The following GALNTL6 variants were observed in gnomAD, a reference collection of about 807,000 sequenced individuals.
GALNTL6 encodes polypeptide N-acetylgalactosaminyltransferase-like 6.
In GALNTL6, 46 loss-of-function variants were observed where a neutral mutation model predicts 73.7. The ratio of observed to expected loss-of-function variants is 0.62; its 90% CI spans 0.49 to 0.80. The LOEUF (loss-of-function observed/expected upper bound fraction) is 0.80. Among genes scored for constraint, GALNTL6 ranks in the 30% least tolerant of loss-of-function variants. The pLI is 0.00. For missense variants in GALNTL6, 604 were observed against 755.0 expected (o/e 0.80, Z 2.34); for synonymous variants, 259 against 263.7 (o/e 0.98, Z 0.17).
At position 172,559,058 on chromosome 4, in the gene GALNTL6, A is replaced by ATTTTTTTTT. The variant is rs71592081; in HGVS notation, c.553+210387_553+210395dup. ...GTAAGGATGATGATAATGATAATGG[A>ATTTTTTTTT]TTTTTTTTTTTTTTTTTTTTTTTTT... is the stretch of plus-strand genomic sequence containing the variant. On this transcript the variant is annotated intron_variant, in intron 5 of 12. Coordinates refer to ENST00000506823, the MANE Select transcript of GALNTL6 (RefSeq NM_001034845.3). Among the ~76,000 whole-genome samples, 18 of 77,386 alleles carry ATTTTTTTTT rather than the reference A, an allele frequency of 2.3e-4. 3 individuals are homozygous for ATTTTTTTTT. Among genetic ancestry groups the ATTTTTTTTT allele is most frequent in the Middle Eastern group, 0.034 (2 of 58 alleles). The allele number at this position is 77,386 out of a possible 152,430, so 50.8% of individuals were successfully genotyped here.
intron 8 of GALNTL6, among the ~76,000 whole-genome samples, chr4:172,923,392 C>A (rs1235053910): frequency 2.0e-5 from 3 of 152,112 alleles, no homozygotes; most frequent in African/African-American, 7.2e-5. Context: ...AAGACCCACC[C>A]CCATGATTCA....
intron 2 of GALNTL6, among the ~76,000 whole-genome samples, chr4:172,012,313 C>T (rs1468218626): frequency 4.6e-5 from 7 of 152,008 alleles, no homozygotes; most frequent in Admixed American, 1.3e-4. Flanking sequence ...TCACCAGGGC[C>T]GAATTCTGAG....
At chr4:171,893,865 A>G (rs1321472688) in intron 2 of GALNTL6, among the ~76,000 whole-genome samples, 2 of 152,168 alleles carry the variant, frequency 1.3e-5, no homozygotes, top group African/African-American at 4.8e-5. Flanking sequence ...ATAGAGTGGG[A>G]TAGCCAAGAG....
At chr4:172,616,299 GT>G (rs1242416054) in intron 5 of GALNTL6, among the ~76,000 whole-genome samples, 1 of 151,966 alleles carries the variant, frequency 6.6e-6, no homozygotes, top group African/African-American at 2.4e-5. Context: ...CAGTTGTTTG[GT>G]TTTTTGTTTT....
intron 5 of GALNTL6, among the ~76,000 whole-genome samples, chr4:172,539,395 T>A (rs1331472200): frequency 6.6e-6 from 1 of 152,248 alleles, no homozygotes; most frequent in East Asian, 1.9e-4. Flanking sequence ...GAATTTTTTA[T>A]GTTTCAACTT....
intron 4 of GALNTL6, among the ~76,000 whole-genome samples, chr4:172,331,306 G>A (rs1487237138): frequency 1.3e-5 from 2 of 151,506 alleles, no homozygotes; most frequent in East Asian, 3.9e-4. Flanking sequence ...TTGAGATGGA[G>A]TTTCACTCTG....
intron 2 of GALNTL6, among the ~76,000 whole-genome samples, chr4:171,889,787 T>C (rs1736710728): frequency 6.6e-6 from 1 of 152,074 alleles, no homozygotes; most frequent in Non-Finnish European, 1.5e-5. Flanking sequence ...CCAAAGATGC[T>C]TTCGAATAAG....
rs74804569 is a variant in GALNTL6 at position 172,982,547 on chromosome 4, G to A, written c.1372-26631G>A. On this transcript the variant is annotated intron_variant, in intron 10 of 12. Coordinates refer to ENST00000506823, the MANE Select transcript of GALNTL6 (RefSeq NM_001034845.3). ...ATGACTGAAAGTCAGAAGAGATGCTGAAGTCTACAATTAGTGTGGGGCTTT... is the reference window on the plus strand; with the variant it reads ...ATGACTGAAAGTCAGAAGAGATGCTAAAGTCTACAATTAGTGTGGGGCTTT... Among the ~76,000 whole-genome samples, 590 of 152,300 alleles carry A rather than the reference G, an allele frequency of 3.9e-3. 3 individuals are homozygous for A. The highest frequency in any genetic ancestry group is 0.014 in the African/African-American group (563 of 41,558).
At chr4:172,237,915 C>A (rs1265327493) in intron 3 of GALNTL6, among the ~76,000 whole-genome samples, 1 of 152,066 alleles carries the variant, frequency 6.6e-6, no homozygotes, top group Admixed American at 6.6e-5. Flanking sequence ...GGCTTTAAAT[C>A]TGGGGTCTCT....
intron 2 of GALNTL6, among the ~76,000 whole-genome samples, chr4:172,003,205 C>A (rs1375251854): frequency 1.3e-5 from 2 of 151,912 alleles, no homozygotes; most frequent in Non-Finnish European, 2.9e-5. Context: ...TTTTTTATAA[C>A]CATATGAAAA....
intron 2 of GALNTL6, among the ~76,000 whole-genome samples, chr4:171,866,095 A>G (rs547786433): frequency 3.3e-5 from 5 of 152,286 alleles, no homozygotes; most frequent in African/African-American, 1.2e-4. Context: ...ATTGTTATCA[A>G]TAGAAAATGA....
chr4:172,483,118 T>C (rs13142236), intron 5 of GALNTL6, among the ~76,000 whole-genome samples: 21,979 of 152,152 alleles, frequency 0.14, 1,834 homozygotes, highest in Non-Finnish European at 0.2. Context: ...TAATGTTTAA[T>C]TTTGCATGGA....
intron 8 of GALNTL6, among the ~76,000 whole-genome samples, chr4:172,884,237 C>T (rs1745600802): frequency 6.6e-6 from 1 of 152,216 alleles, no homozygotes; most frequent in Non-Finnish European, 1.5e-5. Context: ...TTTCCACCAA[C>T]AGTGTAGGAG....
rs1483614400 is a variant in GALNTL6 at position 172,405,427 on chromosome 4, ATATATATATATATATATTTTTTTTTTTT to A, written c.553+56740_553+56767del. 3.6e-3 allele frequency among the ~76,000 whole-genome samples: 69 copies of A among 19,184 alleles called. 1 individual carries two copies. The highest frequency in any genetic ancestry group is 0.014 in the South Asian group (6 of 430). The allele number at this position is 19,184 out of a possible 152,430, so 12.6% of individuals were successfully genotyped here. A position where few individuals can be genotyped will look rare whatever the true frequency, so the allele number is the denominator to read the frequency against. On this transcript the variant is annotated intron_variant, in intron 5 of 12. Transcript: ENST00000506823. Reference sequence around the variant, plus strand: ...GATATATATATATATATATATATATATATATATATATATATATTTTTTTTTTTTTTTTTTTTTTTCTCCTTGCATTGAA... The same window carrying A: ...GATATATATATATATATATATATATATTTTTTTTTTTCTCCTTGCATTGAA...
chr4:171,956,725 T>A (rs892509204), intron 2 of GALNTL6, among the ~76,000 whole-genome samples: 1 of 152,254 alleles, frequency 6.6e-6, no homozygotes, highest in Non-Finnish European at 1.5e-5. Flanking sequence ...TTTATTGTTG[T>A]TTCTCTCAAA....
chr4:172,156,554 TATATATATATATAC>T (rs1560945699), intron 2 of GALNTL6, among the ~76,000 whole-genome samples: 1 of 136,500 alleles, frequency 7.3e-6, no homozygotes, highest in African/African-American at 2.9e-5. Context: ...TATATATATA[TATATATATATATAC>T]ATACTATATA....
rs1018737164 is a variant in GALNTL6, at chr4:171,989,983, G to T, written c.138+175265G>T. On this transcript the variant is annotated intron_variant, in intron 2 of 12. Coordinates refer to ENST00000506823, the MANE Select transcript of GALNTL6 (RefSeq NM_001034845.3). ...TTTAAGAGCAAATTGCTGGGCAGGT[G>T]GGGGAGGGCTAGTCACGGAAGGAAA... Among the ~76,000 whole-genome samples, 4 of 152,094 alleles carry T rather than the reference G, an allele frequency of 2.6e-5. No individual in the cohort carries two copies. The South Asian group carries it at 8.3e-4, about 32-fold the overall frequency.
chr4:172,508,021 C>T lies in GALNTL6; in HGVS notation c.553+159332C>T, dbSNP rs757505573. ...TGTGAGAGTTGTTTTGTAGGAACAG[C>T]GGTACATGGAAAACGTTTTAGCATG... On this transcript the variant is annotated intron_variant, in intron 5 of 12. Coordinates refer to ENST00000506823, the MANE Select transcript of GALNTL6 (RefSeq NM_001034845.3). Among the ~76,000 whole-genome samples, 10 of 54,854 alleles carry T rather than the reference C, an allele frequency of 1.8e-4. 5 individuals are homozygous for T. Among genetic ancestry groups the T allele is most frequent in the Non-Finnish European group, 3.4e-4 (8 of 23,764 alleles). 36.0% of individuals were successfully genotyped at this position (54,854 alleles called of 152,430 possible).
At chr4:172,199,563 T>C (rs1359659140) in intron 2 of GALNTL6, among the ~76,000 whole-genome samples, 1 of 152,200 alleles carries the variant, frequency 6.6e-6, no homozygotes, top group Non-Finnish European at 1.5e-5. Context: ...TCTCATTCAC[T>C]GTGGATTTCC....
Sources: allele counts gnomAD v4.1 joint callset (sites outside exome capture counted in the v4.1 genomes callset), GRCh38; gene constraint gnomAD v4.1.1; transcripts MANE v1.5; gene names NCBI Gene and HGNC (gene_info 2026-07-23, HGNC 2026-07-21).